Variants in MTHFD2L observed in about 807,000 individuals in gnomAD.
MTHFD2L encodes the protein methylenetetrahydrofolate dehydrogenase (NADP+ dependent) 2 like, also known as bifunctional methylenetetrahydrofolate dehydrogenase/cyclohydrolase 2, mitochondrial.
In MTHFD2L, 29 loss-of-function variants were observed where a neutral mutation model predicts 34.9. The observed-to-expected ratio is 0.83, with a 90% confidence interval of 0.62 to 1.13. The LOEUF (loss-of-function observed/expected upper bound fraction) is 1.13, where lower values mean the gene tolerates loss of function less well. Ranked by LOEUF, MTHFD2L falls within the 50% of genes most tolerant of loss-of-function variation. The pLI is 0.00. For missense variants in MTHFD2L, 481 were observed against 446.5 expected (o/e 1.08, Z -0.70); for synonymous variants, 167 against 155.7 (o/e 1.07, Z -0.54).
chr4:74,159,904 C>T (rs916827272), intron 1 of MTHFD2L, among the ~76,000 whole-genome samples: 5 of 152,050 alleles, frequency 3.3e-5, no homozygotes, highest in East Asian at 3.9e-4. Context: ...TAAGATAAGG[C>T]GGGGGTTTTG....
chr4:74,221,667 A>G (rs1738212865), intron 5 of MTHFD2L, among the ~76,000 whole-genome samples: 1 of 151,918 alleles, frequency 6.6e-6, no homozygotes, highest in African/African-American at 2.4e-5. Context: ...AAAACATATA[A>G]TTAGATTTTG....
chr4:74,293,969 T>C (rs1303012149), intron 7 of MTHFD2L, among the ~76,000 whole-genome samples: 1 of 152,174 alleles, frequency 6.6e-6, no homozygotes, highest in Non-Finnish European at 1.5e-5. Flanking sequence ...AAATTTTTGT[T>C]CTGCTGCCTT....
intron 6 of MTHFD2L, among the ~76,000 whole-genome samples, chr4:74,257,270 G>T (rs1314000436): frequency 6.6e-6 from 1 of 152,044 alleles, no homozygotes; most frequent in African/African-American, 2.4e-5. Flanking sequence ...GAATGTAATA[G>T]TAAGTTTTTA....
intron 3 of MTHFD2L, chr4:74,184,014 C>T (rs185953744): frequency 6.6e-6 from 1 of 152,068 alleles, no homozygotes. Flanking sequence ...TAAAGTTAGC[C>T]TGTGATAAGT....
chr4:74,290,932 C>T (rs1346742361), intron 7 of MTHFD2L, among the ~76,000 whole-genome samples: 1 of 147,292 alleles, frequency 6.8e-6, no homozygotes, highest in African/African-American at 2.5e-5. Context: ...TGCACTTTTA[C>T]TTAGTTGTTC....
chr4:74,167,389 T>G (rs1726940651), intron 1 of MTHFD2L, among the ~76,000 whole-genome samples: 1 of 152,142 alleles, frequency 6.6e-6, no homozygotes, highest in South Asian at 2.1e-4. Context: ...TGTGAACCAT[T>G]AGGGAAACCT....
intron 3 of MTHFD2L, among the ~76,000 whole-genome samples, chr4:74,179,938 A>G (rs1426203145): frequency 2.6e-5 from 4 of 152,094 alleles, no homozygotes; most frequent in Admixed American, 2.6e-4. Flanking sequence ...CCCAGTCTTC[A>G]AAGTCGCCTT....
In MTHFD2L at chr4:74,174,564, C is replaced by G. The variant is rs1429099328; in HGVS notation, c.202C>G (p.Gln68Glu). 2 of 1,604,234 alleles carry G rather than the reference C, an allele frequency of 1.2e-6. No individual in the cohort carries two copies. The highest frequency in any genetic ancestry group is 1.7e-5 in the Admixed American group (1 of 58,266). The change falls in exon 2 of 8, where the codon CAG becomes GAG. Residue 68 changes from glutamine (Q) to glutamate (E), a missense_variant. Transcript: ENST00000325278. ...GGCCAAGCATATCCAGAAAGAAATA[C>G]AGCGAGGTGTGGAATCATGGGTTTC... ...EMAKHIQKEI[Q>E]RGVESWVSLG...
chr4:74,163,097 T>C (rs552297199), intron 1 of MTHFD2L, among the ~76,000 whole-genome samples: 3 of 152,266 alleles, frequency 2.0e-5, no homozygotes, highest in African/African-American at 7.2e-5. Context: ...CCATTGTTAG[T>C]GTTGGCAACA....
chr4:74,222,862 G>T (rs1738452305), intron 5 of MTHFD2L, among the ~76,000 whole-genome samples: 1 of 151,932 alleles, frequency 6.6e-6, no homozygotes, highest in African/African-American at 2.4e-5. Context: ...TGAATCATTT[G>T]TAGATACACA....
chr4:74,168,404 C>T (rs1264701361), intron 1 of MTHFD2L, among the ~76,000 whole-genome samples: 1 of 152,224 alleles, frequency 6.6e-6, no homozygotes, highest in East Asian at 1.9e-4. Context: ...TGACTCATTT[C>T]ATTCATTTCT....
At chr4:74,144,195 G>A (rs1218950324) in intron 1 of MTHFD2L, among the ~76,000 whole-genome samples, 1 of 152,184 alleles carries the variant, frequency 6.6e-6, no homozygotes, top group South Asian at 2.1e-4. Flanking sequence ...GCTCACACCT[G>A]TAATCCCAGC....
intron 1 of MTHFD2L, among the ~76,000 whole-genome samples, chr4:74,152,305 T>C (rs2109860878): frequency 6.6e-6 from 1 of 152,240 alleles, no homozygotes; most frequent in Non-Finnish European, 1.5e-5. Flanking sequence ...TTTAGGAAGC[T>C]TTATAGTTGT....
chr4:74,201,060 AC>A (rs1734334713), intron 4 of MTHFD2L, among the ~76,000 whole-genome samples: 1 of 152,236 alleles, frequency 6.6e-6, no homozygotes, highest in African/African-American at 2.4e-5. Flanking sequence ...TTTAATGAGT[AC>A]ATAATCAGAG....
At chr4:74,119,078 T>C (rs1312896086), upstream of MTHFD2L, among the ~76,000 whole-genome samples, 1 of 152,190 alleles carries the variant, frequency 6.6e-6, no homozygotes, top group Non-Finnish European at 1.5e-5. Context: ...ATCAAAACCC[T>C]GTCAGTGAGT....
chr4:74,152,408 A>T (rs1723997482), intron 1 of MTHFD2L, among the ~76,000 whole-genome samples: 3 of 152,140 alleles, frequency 2.0e-5, no homozygotes, highest in Non-Finnish European at 2.9e-5. Context: ...CAGGTTTTTA[A>T]AACACATATG....
chr4:74,154,985 C>T (rs549749439), upstream of MTHFD2L, among the ~76,000 whole-genome samples: 69 of 152,152 alleles, frequency 4.5e-4, no homozygotes, highest in Admixed American at 1.0e-3. Context: ...CATTGCTTAT[C>T]TGTAAATTGC....
Position 74,176,937 on chromosome 4 carries a change from ATATCT to A in MTHFD2L, c.451+1537_451+1541del, listed in dbSNP as rs529049843. Among the ~76,000 whole-genome samples, 22 of 152,066 alleles carry A rather than the reference ATATCT, an allele frequency of 1.4e-4. No homozygotes were observed. In the South Asian group the frequency reaches 4.1e-3, roughly 29 times the overall value. On this transcript the variant is annotated intron_variant, in intron 3 of 7. Transcript: ENST00000325278. ...TTTCTTTATCCAGCAATATAATGTA[ATATCT>A]TACTTAGCATATGTTATAGCTTTTG...
At chr4:74,200,948 T>C (rs1734312868) in intron 4 of MTHFD2L, among the ~76,000 whole-genome samples, 1 of 152,198 alleles carries the variant, frequency 6.6e-6, no homozygotes, top group African/African-American at 2.4e-5. Context: ...TTTGCTTTTT[T>C]TATAAGCAGT....
Sources: allele counts gnomAD v4.1 joint callset (sites outside exome capture counted in the v4.1 genomes callset), GRCh38; gene constraint gnomAD v4.1.1; transcripts MANE v1.5; gene names NCBI Gene and HGNC (gene_info 2026-07-23, HGNC 2026-07-21).